The following USH2A variants were observed in gnomAD, a reference collection of about 807,000 sequenced individuals.
The protein encoded by USH2A is usherin.
A neutral mutation model predicts 538.9 loss-of-function variants in USH2A; 443 were observed. The observed-to-expected ratio is 0.82, with a 90% CI of 0.76 to 0.89. The LOEUF (loss-of-function observed/expected upper bound fraction) is 0.89. Ranked by LOEUF, USH2A falls within the 40% of genes least tolerant of loss-of-function variation. USH2A has a pLI of 0.00. For missense variants in USH2A, 6,633 were observed against 6,324.8 expected (o/e 1.05, Z -1.65); for synonymous variants, 2,413 against 2,273.5 (o/e 1.06, Z -1.75).
chr1:216,088,763 T>C (rs1049778836), intron 23 of USH2A, among the ~76,000 whole-genome samples: 2 of 152,218 alleles, frequency 1.3e-5, no homozygotes, highest in African/African-American at 2.4e-5. Context: ...TCCACACGAA[T>C]TGTAAAGAAC....
intron 64 of USH2A, among the ~76,000 whole-genome samples, chr1:215,652,487 T>C (rs1008354000): frequency 1.3e-5 from 2 of 152,108 alleles, no homozygotes; most frequent in African/African-American, 2.4e-5. Flanking sequence ...CACAGGGAAG[T>C]AAGGAGCTAG....
At chr1:215,725,702 A>C (rs559687871) in intron 61 of USH2A, among the ~76,000 whole-genome samples, 2 of 152,308 alleles carry the variant, frequency 1.3e-5, no homozygotes, top group African/African-American at 4.8e-5. Context: ...TCGACATTGC[A>C]AGAAAAAAAA....
At chr1:215,735,446 A>C (rs1362054622) in intron 60 of USH2A, among the ~76,000 whole-genome samples, 1 of 152,230 alleles carries the variant, frequency 6.6e-6, no homozygotes, top group African/African-American at 2.4e-5. Context: ...TGATTATTAC[A>C]GAAAGTGATG....
At chr1:215,636,275 G>A (rs1033690462) in intron 69 of USH2A, among the ~76,000 whole-genome samples, 2 of 152,182 alleles carry the variant, frequency 1.3e-5, no homozygotes, top group Admixed American at 6.5e-5. Flanking sequence ...CAGAACTGGG[G>A]TGAAACTATT....
At chr1:216,097,964 C>A (rs528031706) in intron 21 of USH2A, among the ~76,000 whole-genome samples, 2 of 150,702 alleles carry the variant, frequency 1.3e-5, no homozygotes, top group South Asian at 2.1e-4. Context: ...ATGCCTCCCC[C>A]CTACCTTTAC....
chr1:215,718,019 A>T (rs945659209), intron 61 of USH2A, among the ~76,000 whole-genome samples: 1 of 152,192 alleles, frequency 6.6e-6, no homozygotes, highest in South Asian at 2.1e-4. Context: ...ATTTATACAA[A>T]TTTAAACCCT....
intron 70 of USH2A, among the ~76,000 whole-genome samples, chr1:215,633,472 G>C (rs908164494): frequency 1.3e-5 from 2 of 152,218 alleles, no homozygotes; most frequent in African/African-American, 4.8e-5. Flanking sequence ...GGCTTAACCA[G>C]TGGTCATTCA....
rs376159076 is a variant in USH2A, at chr1:216,190,214, C to A, written c.4396+9G>T. On this transcript the variant is annotated intron_variant, in intron 20 of 71. Coordinates refer to ENST00000307340, the MANE Select transcript of USH2A (RefSeq NM_206933.4). ...AACAGATTTTTCATATCCATTAAAACTTGCTTACCTGCTGCTAAAGTTTGT... is the reference window on the plus strand; with the variant it reads ...AACAGATTTTTCATATCCATTAAAAATTGCTTACCTGCTGCTAAAGTTTGT... 50 of 1,611,694 alleles carry A rather than the reference C, an allele frequency of 3.1e-5. No individual in the cohort carries two copies. Among genetic ancestry groups the A allele is most frequent in the Non-Finnish European group, 3.9e-5 (46 of 1,178,638 alleles).
chr1:215,674,278 G>T lies in USH2A; in HGVS notation c.13633C>A (p.Pro4545Thr). The part of the protein sequence containing the change: ...MEPPKLQARG[P>T]QEILVNWDPP... ...TCCCAGTTCACTAAGATCTCCTGAG[G>T]ACCCCTGGCCTGCAATTTTGGAGGT... The change falls in exon 63 of 72, where the codon CCT becomes ACT. Residue 4545 changes from proline to threonine, a missense_variant. Transcript: ENST00000307340. 1 of 1,614,102 alleles carries T rather than the reference G, an allele frequency of 6.2e-7. No homozygotes were observed. Among genetic ancestry groups the T allele is most frequent in the Non-Finnish European group, 8.5e-7 (1 of 1,180,008 alleles).
At chr1:216,089,882 T>C (rs1478909232) in intron 22 of USH2A, among the ~76,000 whole-genome samples, 1 of 151,562 alleles carries the variant, frequency 6.6e-6, no homozygotes, top group African/African-American at 2.4e-5. Flanking sequence ...TCGAGAAAAG[T>C]AAACAATTTT....
chr1:216,150,007 T>C (rs1001918454), intron 21 of USH2A, among the ~76,000 whole-genome samples: 1 of 152,090 alleles, frequency 6.6e-6, no homozygotes, highest in Non-Finnish European at 1.5e-5. Flanking sequence ...TAATAACCCT[T>C]ATGAGCCTAA....
At chr1:215,854,377 TGG>T (rs1664100648) in intron 44 of USH2A, among the ~76,000 whole-genome samples, 2 of 152,052 alleles carry the variant, frequency 1.3e-5, no homozygotes, top group Non-Finnish European at 2.9e-5. Context: ...GAGATTTGGG[TGG>T]GGATACAGCC....
intron 20 of USH2A, among the ~76,000 whole-genome samples, chr1:216,181,977 T>G (rs557344219): frequency 6.6e-6 from 1 of 152,222 alleles, no homozygotes; most frequent in Non-Finnish European, 1.5e-5. Context: ...TGATCTAACA[T>G]CAGTATGGAA....
intron 50 of USH2A, among the ~76,000 whole-genome samples, chr1:215,795,052 A>G (rs1662087753): frequency 6.6e-6 from 1 of 152,060 alleles, no homozygotes; most frequent in Admixed American, 6.6e-5. Flanking sequence ...TCTCTATTGT[A>G]TTTGTTCTGA....
chr1:215,938,025 T>C (rs1037872064), intron 37 of USH2A, among the ~76,000 whole-genome samples: 3 of 152,018 alleles, frequency 2.0e-5, no homozygotes, highest in African/African-American at 2.4e-5. Context: ...ATAACAACAT[T>C]AATACATGGT....
chr1:215,863,890 A>G (rs1218557732), intron 44 of USH2A, among the ~76,000 whole-genome samples: 1 of 152,192 alleles, frequency 6.6e-6, no homozygotes, highest in Non-Finnish European at 1.5e-5. Context: ...GGAGGATTAT[A>G]TGATACAAGA....
chr1:216,059,452 G>A (rs1395927256), intron 30 of USH2A, among the ~76,000 whole-genome samples: 1 of 152,138 alleles, frequency 6.6e-6, no homozygotes, highest in African/African-American at 2.4e-5. Flanking sequence ...CAATGACTGG[G>A]AAACCCTAAA....
At position 215,965,423 on chromosome 1, in the gene USH2A, T is replaced by A; in HGVS notation, c.7014A>T (p.Lys2338Asn). 6.2e-7 allele frequency: 1 copy of A among 1,613,840 alleles called. No homozygotes were observed. Among genetic ancestry groups the A allele is most frequent in the Non-Finnish European group, 8.5e-7 (1 of 1,179,802 alleles). The change falls in exon 37 of 72, where the codon AAA (lysine) becomes AAT (asparagine). Residue 2338 changes from lysine (K) to asparagine (N), a missense_variant. By Grantham distance (94) the Lys-to-Asn change is moderately conservative. Coordinates refer to ENST00000307340, the MANE Select transcript of USH2A (RefSeq NM_206933.4). ...PPEGTVNVFV[K>N]TQGSRKAHVR... ...CGTGGGCTTTCCGGGATCCCTGTGTTTTGACAAACACATTTACTGTTCCTT... is the reference window on the plus strand; with the variant it reads ...CGTGGGCTTTCCGGGATCCCTGTGTATTGACAAACACATTTACTGTTCCTT...
chr1:216,317,917 G>A (rs57898468), intron 9 of USH2A, among the ~76,000 whole-genome samples: 2,757 of 152,128 alleles, frequency 0.018, 87 homozygotes, highest in African/African-American at 0.061. Context: ...AACTCTTGCA[G>A]AAAATTAAAT....
Sources: allele counts gnomAD v4.1 joint callset (sites outside exome capture counted in the v4.1 genomes callset), GRCh38; gene constraint gnomAD v4.1.1; transcripts MANE v1.5; gene names NCBI Gene and HGNC (gene_info 2026-07-23, HGNC 2026-07-21).